The following SIPA1L3 variants were observed in gnomAD, a reference collection of about 807,000 sequenced individuals.
SIPA1L3 encodes the protein signal induced proliferation associated 1 like 3, also known as signal-induced proliferation-associated 1-like protein 3.
A neutral mutation model predicts 150.1 loss-of-function variants in SIPA1L3; 59 were observed. The observed-to-expected ratio is 0.39, with a 90% CI of 0.32 to 0.49. The LOEUF is 0.49. Among genes scored for constraint, SIPA1L3 ranks in the 20% least tolerant of loss-of-function variants. The probability of loss-of-function intolerance (pLI) is 0.86; values close to 1 mark genes in which losing one functional copy is unlikely to be tolerated. For synonymous variants in SIPA1L3, 1,070 were observed against 1,077.6 expected (o/e 0.99, Z 0.14); for missense variants, 2,211 against 2,489.5 (o/e 0.89, Z 2.38).
At chr19:38,163,407 T>C (rs1972135559) in intron 14 of SIPA1L3, among the ~76,000 whole-genome samples, 1 of 149,560 alleles carries the variant, frequency 6.7e-6, no homozygotes, top group South Asian at 2.1e-4. Flanking sequence ...CAAGAATTGC[T>C]TGAACCCAGG....
chr19:38,177,600 A>AT (rs888144070), intron 15 of SIPA1L3, among the ~76,000 whole-genome samples: 47 of 152,072 alleles, frequency 3.1e-4, no homozygotes, highest in Admixed American at 3.1e-3. Context: ...CTATCTATAT[A>AT]TTTTTTCCCT....
chr19:38,079,952 CAG>C (rs952785262), intron 2 of SIPA1L3, among the ~76,000 whole-genome samples: 2 of 152,146 alleles, frequency 1.3e-5, no homozygotes, highest in African/African-American at 2.4e-5. Context: ...TTTGGTGCAT[CAG>C]AACAGAAAAG....
At chr19:38,137,745 C>G (rs959910732) in intron 10 of SIPA1L3, among the ~76,000 whole-genome samples, 3 of 152,132 alleles carry the variant, frequency 2.0e-5, no homozygotes, top group Admixed American at 6.5e-5. Flanking sequence ...CCAACTCAGA[C>G]TGAGTTGTGT....
intron 1 of SIPA1L3, among the ~76,000 whole-genome samples, chr19:38,015,395 T>C (rs987852210): frequency 3.9e-5 from 6 of 152,194 alleles, no homozygotes; most frequent in African/African-American, 1.2e-4. Flanking sequence ...TTGTTCTGCA[T>C]ACCTAGTTGG....
intron 16 of SIPA1L3, among the ~76,000 whole-genome samples, chr19:38,187,746 GA>G (rs915321008): frequency 6.6e-5 from 9 of 137,334 alleles, no homozygotes; most frequent in Admixed American, 2.9e-4. Flanking sequence ...AAGACAAAAG[GA>G]AAAAAAAACT....
chr19:38,158,465 C>T (rs1335590150), intron 13 of SIPA1L3, among the ~76,000 whole-genome samples: 1 of 152,030 alleles, frequency 6.6e-6, no homozygotes, highest in Non-Finnish European at 1.5e-5. Context: ...GTATGTGGAG[C>T]CTCTTGGGCC....
At chr19:37,923,529 C>T (rs759943143) in intron 1 of SIPA1L3, among the ~76,000 whole-genome samples, 6 of 151,992 alleles carry the variant, frequency 3.9e-5, no homozygotes, top group South Asian at 2.1e-4. Flanking sequence ...GGGCACTTAC[C>T]GTGGATGGAG....
At chr19:37,927,740 G>A (rs2046519211) in intron 1 of SIPA1L3, among the ~76,000 whole-genome samples, 1 of 151,792 alleles carries the variant, frequency 6.6e-6, no homozygotes, top group Non-Finnish European at 1.5e-5. Context: ...GTGTGTGTGT[G>A]TGTGTGTACG....
At chr19:37,922,460 C>G (rs1222200497) in intron 1 of SIPA1L3, among the ~76,000 whole-genome samples, 1 of 151,400 alleles carries the variant, frequency 6.6e-6, no homozygotes, top group Non-Finnish European at 1.5e-5. Context: ...GTGGTGCGAT[C>G]TTGGCTAACT....
chr19:38,033,101 A>G (rs768130449), intron 2 of SIPA1L3, among the ~76,000 whole-genome samples: 1 of 152,176 alleles, frequency 6.6e-6, no homozygotes, highest in Non-Finnish European at 1.5e-5. Flanking sequence ...TTCTGAACAC[A>G]GTTTCTGTGA....
intron 1 of SIPA1L3, among the ~76,000 whole-genome samples, chr19:37,931,431 C>T (rs1174849809): frequency 6.6e-6 from 1 of 152,068 alleles, no homozygotes. Flanking sequence ...GCACCTGCTT[C>T]TTCTTACAAG....
chr19:38,156,341 T>C (rs915464930), intron 13 of SIPA1L3, among the ~76,000 whole-genome samples: 4 of 151,218 alleles, frequency 2.6e-5, no homozygotes, highest in African/African-American at 9.8e-5. Context: ...AAGTACAAAA[T>C]GGGGAGGAAG....
At chr19:38,203,225 G>A (rs1238949222) in intron 20 of SIPA1L3, among the ~76,000 whole-genome samples, 4 of 152,214 alleles carry the variant, frequency 2.6e-5, no homozygotes, top group Non-Finnish European at 5.9e-5. Context: ...TGAGGGGCAG[G>A]AGCAGCATGG....
intron 10 of SIPA1L3, among the ~76,000 whole-genome samples, chr19:38,140,106 C>T (rs981990235): frequency 2.0e-5 from 3 of 147,532 alleles, no homozygotes; most frequent in African/African-American, 4.9e-5. Context: ...TGGCCATGAA[C>T]GGGGTGGCTC....
chr19:38,045,656 G>C (rs1371903993), intron 2 of SIPA1L3, among the ~76,000 whole-genome samples: 1 of 152,174 alleles, frequency 6.6e-6, no homozygotes, highest in Non-Finnish European at 1.5e-5. Context: ...CCAGGCTGGG[G>C]TGGGCGTGGG....
At chr19:38,101,307 G>A in intron 6 of SIPA1L3, 81 bp downstream of exon 6, 1 of 1,050,858 alleles carries the variant, frequency 9.5e-7, no homozygotes, top group Admixed American at 3.5e-5. Flanking sequence ...GCCTGGGGAT[G>A]CCACGGTGGG....
chr19:37,990,413 G>T (rs1294682837), intron 1 of SIPA1L3, among the ~76,000 whole-genome samples: 1 of 152,220 alleles, frequency 6.6e-6, no homozygotes, highest in Non-Finnish European at 1.5e-5. Context: ...AGTGAGACAG[G>T]CGGGGTCGTG....
chr19:37,911,059 C>T (rs1373207836), intron 1 of SIPA1L3, among the ~76,000 whole-genome samples: 1 of 151,860 alleles, frequency 6.6e-6, no homozygotes, highest in African/African-American at 2.4e-5. Context: ...CTAGTGCCAC[C>T]CTCCACTCCA....
At chr19:38,056,714 T>A (rs544992154) in intron 2 of SIPA1L3, among the ~76,000 whole-genome samples, 3 of 152,306 alleles carry the variant, frequency 2.0e-5, no homozygotes, top group African/African-American at 7.2e-5. Context: ...GAATGAAAAC[T>A]TGTTTGGTTT....
Sources: gnomAD v4.1 joint callset for allele counts (sites outside exome capture counted in the v4.1 genomes callset) on GRCh38, gnomAD v4.1.1 for gene constraint, MANE v1.5 for transcripts, NCBI Gene and HGNC (gene_info 2026-07-23, HGNC 2026-07-21) for gene names.